ANO2: variants seen among roughly 807,000 people sequenced by gnomAD.
ANO2 encodes anoctamin-2.
In ANO2, 101 loss-of-function variants were observed where a neutral mutation model predicts 124.2. That is an observed-to-expected ratio of 0.81 (90% confidence interval 0.69 to 0.96). ANO2 has a LOEUF of 0.96. Ranked by LOEUF, ANO2 falls within the 40% of genes least tolerant of loss-of-function variation. The pLI is 0.00. For missense variants in ANO2, 1,293 were observed against 1,274.5 expected, an observed-to-expected ratio of 1.01 and a Z score of -0.22; for synonymous variants, 486 against 482.5, an observed-to-expected ratio of 1.01 and a Z score of -0.09.
At chr12:5,600,246 G>C (rs531451897) in intron 19 of ANO2, among the ~76,000 whole-genome samples, 1 of 152,326 alleles carries the variant, frequency 6.6e-6, no homozygotes, top group South Asian at 2.1e-4. Context: ...TTTATGAGTA[G>C]AGGAAGAGAG....
At chr12:5,625,327 T>C (rs865960585) in intron 16 of ANO2, among the ~76,000 whole-genome samples, 23 of 151,176 alleles carry the variant, frequency 1.5e-4, no homozygotes, top group Admixed American at 1.5e-3. Context: ...TGTTTGAAGG[T>C]AGAAAGAACA....
chr12:5,943,879 G>C (rs1004872079), intron 1 of ANO2, among the ~76,000 whole-genome samples: 1 of 152,144 alleles, frequency 6.6e-6, no homozygotes, highest in Non-Finnish European at 1.5e-5. Context: ...AGGCCCAAAT[G>C]CCTCTCACCC....
chr12:5,898,912 T>A (rs1055355146), intron 3 of ANO2, among the ~76,000 whole-genome samples: 2 of 152,230 alleles, frequency 1.3e-5, no homozygotes, highest in Admixed American at 1.3e-4. Flanking sequence ...GAGGCTTTTT[T>A]AAAAGCCTAG....
At chr12:5,642,272 T>C (rs59625396) in intron 15 of ANO2, among the ~76,000 whole-genome samples, 3,424 of 152,302 alleles carry the variant, frequency 0.022, 128 homozygotes, top group African/African-American at 0.079. Flanking sequence ...ATTCTCTTGG[T>C]GATCTCATGC....
intron 3 of ANO2, among the ~76,000 whole-genome samples, chr12:5,888,397 C>A (rs894543730): frequency 1.1e-4 from 17 of 152,092 alleles, no homozygotes; most frequent in Non-Finnish European, 1.6e-4. Context: ...TGGAAGGGGA[C>A]GCCAGCGGAT....
At chr12:5,653,331 G>A (rs1270496696) in intron 14 of ANO2, among the ~76,000 whole-genome samples, 1 of 152,188 alleles carries the variant, frequency 6.6e-6, no homozygotes, top group African/African-American at 2.4e-5. Flanking sequence ...CCTATGTTCT[G>A]GCAAATATTT....
At chr12:5,668,205 C>T (rs1947828986) in intron 14 of ANO2, among the ~76,000 whole-genome samples, 1 of 152,188 alleles carries the variant, frequency 6.6e-6, no homozygotes, top group Non-Finnish European at 1.5e-5. Context: ...TGCAACCTCA[C>T]CAGCATCTGT....
In ANO2 at chr12:5,769,226, T is replaced by C. The variant is rs573510738; in HGVS notation, c.1056-18256A>G. 6.6e-6 allele frequency among the ~76,000 whole-genome samples: 1 copy of C among 152,094 alleles called. No individual in the cohort carries two copies. Among genetic ancestry groups the C allele is most frequent in the Non-Finnish European group, 1.5e-5 (1 of 68,006 alleles). On this transcript the variant is annotated intron_variant, in intron 10 of 24. Coordinates refer to ENST00000682330, the MANE Select transcript of ANO2 (RefSeq NM_001364791.2). This position sits in a 1 kb window ranked among gnomAD's most constrained non-coding sequence, Gnocchi z 4.0. ...TCCTCTCTTTAAGAAGGTTTCCAAA[T>C]AAAGAGCCATCGTATGGAGCAAGGG...
intron 14 of ANO2, among the ~76,000 whole-genome samples, chr12:5,708,366 C>T (rs1344872822): frequency 1.3e-5 from 2 of 152,182 alleles, no homozygotes; most frequent in African/African-American, 4.8e-5. Flanking sequence ...TTCCACTGGC[C>T]TTAAGAAAAA....
chr12:5,742,221 A>G (rs1951118079), intron 12 of ANO2, among the ~76,000 whole-genome samples: 1 of 152,158 alleles, frequency 6.6e-6, no homozygotes. Flanking sequence ...GCCCTGAACC[A>G]GGCCCACCCA....
intron 16 of ANO2, among the ~76,000 whole-genome samples, chr12:5,628,914 C>G (rs919298534): frequency 1.8e-4 from 28 of 152,130 alleles, no homozygotes; most frequent in Admixed American, 1.8e-3. Context: ...AGTATGCAAA[C>G]CAGTGTTGGT....
chr12:5,880,135 G>C (rs1198285269), intron 3 of ANO2, among the ~76,000 whole-genome samples: 1 of 152,196 alleles, frequency 6.6e-6, no homozygotes, highest in Non-Finnish European at 1.5e-5. Flanking sequence ...TTCTGTTGTA[G>C]TTGACAGGGA....
intron 14 of ANO2, among the ~76,000 whole-genome samples, chr12:5,687,803 G>C (rs10774367): frequency 0.37 from 56,855 of 152,042 alleles, 12,390 homozygotes; most frequent in East Asian, 0.59. Context: ...GTATGTGGGG[G>C]AACAAGGCCC....
At chr12:5,852,707 G>A (rs1954949291) in intron 4 of ANO2, among the ~76,000 whole-genome samples, 1 of 152,132 alleles carries the variant, frequency 6.6e-6, no homozygotes, top group African/African-American at 2.4e-5. Flanking sequence ...GGGGGCAGGT[G>A]ATCACAGTGG....
chr12:5,845,755 T>C (rs1177344897), intron 4 of ANO2, among the ~76,000 whole-genome samples: 1 of 152,140 alleles, frequency 6.6e-6, no homozygotes, highest in African/African-American at 2.4e-5. Flanking sequence ...CCTGACTATC[T>C]CCTTCAAGGT....
intron 3 of ANO2, among the ~76,000 whole-genome samples, chr12:5,918,835 C>T (rs1360505692): frequency 6.6e-6 from 1 of 152,142 alleles, no homozygotes; most frequent in Non-Finnish European, 1.5e-5. Flanking sequence ...TTATTGAGCA[C>T]CTATTATGTA....
intron 6 of ANO2, among the ~76,000 whole-genome samples, chr12:5,829,119 G>A (rs979143896): frequency 1.3e-5 from 2 of 152,092 alleles, no homozygotes; most frequent in African/African-American, 2.4e-5. Flanking sequence ...AAATAACTAC[G>A]GGGCCCAAGA....
At chr12:5,756,989 A>G (rs1280125805) in intron 10 of ANO2, among the ~76,000 whole-genome samples, 1 of 152,218 alleles carries the variant, frequency 6.6e-6, no homozygotes, top group Non-Finnish European at 1.5e-5. Context: ...CAGTGCTGTC[A>G]CTAGGTGTTC....
chr12:5,747,174 G>T (rs895136990), intron 11 of ANO2, among the ~76,000 whole-genome samples: 7 of 152,156 alleles, frequency 4.6e-5, no homozygotes, highest in Non-Finnish European at 2.9e-5. Context: ...AAGTTCCTGC[G>T]CTGTGAATCT....
Sources: gnomAD v4.1 joint callset for allele counts (sites outside exome capture counted in the v4.1 genomes callset) on GRCh38, gnomAD v4.1.1 for gene constraint, Gnocchi (gnomAD v3.1) non-coding constraint, MANE v1.5 for transcripts, NCBI Gene and HGNC (gene_info 2026-07-23, HGNC 2026-07-21) for gene names.